Variants in RAD51B observed in about 807,000 individuals in gnomAD.
RAD51B encodes RAD51 paralog B, also known as DNA repair protein RAD51 homolog 2.
In RAD51B, 38 loss-of-function variants were observed where a neutral mutation model predicts 42.2. That is an observed-to-expected ratio of 0.90 (90% confidence interval 0.70 to 1.18). RAD51B has a LOEUF of 1.18. Among genes scored for constraint, RAD51B ranks in the 50% most tolerant of loss-of-function variants. RAD51B has a pLI of 0.00. For missense variants in RAD51B, 373 were observed against 400.7 expected (o/e 0.93, Z 0.59); for synonymous variants, 154 against 145.2 (o/e 1.06, Z -0.43).
chr14:68,151,670 C>T (rs1415098542), intron 7 of RAD51B, among the ~76,000 whole-genome samples: 2 of 151,738 alleles, frequency 1.3e-5, no homozygotes, highest in Non-Finnish European at 2.9e-5. Context: ...CCTTCAAGTT[C>T]TCTAATCATC....
At chr14:68,508,946 C>T (rs571835215) in intron 10 of RAD51B, among the ~76,000 whole-genome samples, 27 of 152,380 alleles carry the variant, frequency 1.8e-4, no homozygotes, top group African/African-American at 5.8e-4. Context: ...ACTTGTGGCT[C>T]TCCATCACTG....
At chr14:68,118,149 C>T (rs780903184) in intron 7 of RAD51B, among the ~76,000 whole-genome samples, 1 of 152,096 alleles carries the variant, frequency 6.6e-6, no homozygotes, top group East Asian at 1.9e-4. Context: ...AAATCTATAT[C>T]AGAAAACAGT....
At chr14:68,449,867 G>A (rs1217007039) in intron 9 of RAD51B, among the ~76,000 whole-genome samples, 1 of 152,002 alleles carries the variant, frequency 6.6e-6, no homozygotes, top group Admixed American at 6.5e-5. Context: ...CTTCCTCCTT[G>A]TGATTAGAAG....
Position 68,298,218 on chromosome 14 carries a change from T to C in RAD51B, c.853+6238T>C, listed in dbSNP as rs2139680801. Among the ~76,000 whole-genome samples, 3 of 152,186 alleles carry C rather than the reference T, an allele frequency of 2.0e-5. No homozygotes were observed. In the South Asian group the frequency reaches 6.2e-4, roughly 32 times the overall value. ...AGGGGAGGCTAGAGTTGAGAGGAGA[T>C]GGGCACAGCCTGCAAATGTCAGAAA... On this transcript the variant is annotated intron_variant, in intron 8 of 10. Coordinates refer to ENST00000471583, the MANE Select transcript of RAD51B (RefSeq NM_133510.4).
intron 4 of RAD51B, among the ~76,000 whole-genome samples, chr14:67,847,579 G>C (rs74892979): frequency 0.035 from 5,318 of 152,012 alleles, 223 homozygotes; most frequent in African/African-American, 0.1. Context: ...TTCTATATTT[G>C]CGTAGTTTTG....
At chr14:68,646,113 C>A (rs572168880) in intron 10 of RAD51B, among the ~76,000 whole-genome samples, 12 of 151,724 alleles carry the variant, frequency 7.9e-5, no homozygotes, top group Non-Finnish European at 1.0e-4. Flanking sequence ...ACGTACTATT[C>A]CCAGGAATGA....
chr14:68,010,953 A>G (rs1320514679), intron 7 of RAD51B, among the ~76,000 whole-genome samples: 2 of 151,940 alleles, frequency 1.3e-5, no homozygotes, highest in Non-Finnish European at 2.9e-5. Context: ...TATTGTACAA[A>G]GGATATAAGT....
chr14:68,038,422 A>G (rs1449370945), intron 7 of RAD51B, among the ~76,000 whole-genome samples: 2 of 151,884 alleles, frequency 1.3e-5, no homozygotes, highest in Non-Finnish European at 2.9e-5. Context: ...TCTTACTCAA[A>G]TGAATATCTG....
chr14:68,656,585 C>T (rs972401607), intron 11 of RAD51B, among the ~76,000 whole-genome samples: 5 of 152,276 alleles, frequency 3.3e-5, no homozygotes, highest in East Asian at 1.9e-4. Flanking sequence ...GGGACTCCCA[C>T]ACAGAGCCCC....
At chr14:68,438,397 C>A (rs1485809579) in intron 9 of RAD51B, among the ~76,000 whole-genome samples, 1 of 152,038 alleles carries the variant, frequency 6.6e-6, no homozygotes, top group African/African-American at 2.4e-5. Flanking sequence ...GTTTTACTCA[C>A]TGAAACAGGC....
intron 7 of RAD51B, among the ~76,000 whole-genome samples, chr14:68,118,735 A>G (rs2077591839): frequency 6.6e-6 from 1 of 151,902 alleles, no homozygotes; most frequent in Admixed American, 6.6e-5. Context: ...CTTCATTATG[A>G]TTTCTCATTT....
At chr14:68,669,627 TACACACACAC>T (rs34821600) in intron 11 of RAD51B, among the ~76,000 whole-genome samples, 20 of 148,022 alleles carry the variant, frequency 1.4e-4, no homozygotes, top group South Asian at 8.6e-4. Flanking sequence ...ACCCGCCACT[TACACACACAC>T]ACACACACAC....
At chr14:68,463,062 A>G (rs2085884887) in intron 9 of RAD51B, among the ~76,000 whole-genome samples, 1 of 152,192 alleles carries the variant, frequency 6.6e-6, no homozygotes, top group South Asian at 2.1e-4. Context: ...ATTGAAGAAG[A>G]TAGAATGATA....
At chr14:67,888,612 T>A (rs922337282) in intron 7 of RAD51B, among the ~76,000 whole-genome samples, 7 of 152,028 alleles carry the variant, frequency 4.6e-5, no homozygotes, top group African/African-American at 1.4e-4. Flanking sequence ...ATATATATAT[T>A]TGAAAGAAAA....
intron 8 of RAD51B, among the ~76,000 whole-genome samples, chr14:68,379,125 C>T (rs886967806): frequency 1.3e-5 from 2 of 152,136 alleles, no homozygotes; most frequent in African/African-American, 4.8e-5. Context: ...TATTGCCAGG[C>T]CTTGCTCAGT....
At chr14:67,954,155 A>G in intron 7 of RAD51B, among the ~76,000 whole-genome samples, 1 of 152,128 alleles carries the variant, frequency 6.6e-6, no homozygotes, top group East Asian at 1.9e-4. Flanking sequence ...AATTAATTCC[A>G]TTGTTCTTTC....
At chr14:68,529,341 C>T (rs749319467) in intron 10 of RAD51B, among the ~76,000 whole-genome samples, 44 of 152,334 alleles carry the variant, frequency 2.9e-4, no homozygotes, top group African/African-American at 7.9e-4. Flanking sequence ...GGACTACAGG[C>T]GCGTGCCACC....
chr14:68,426,226 A>C (rs1594818712), intron 9 of RAD51B, among the ~76,000 whole-genome samples: 3 of 143,668 alleles, frequency 2.1e-5, no homozygotes, highest in Non-Finnish European at 3.0e-5. Context: ...CCACCACCAC[A>C]CCTGGCTAAT....
At chr14:68,604,471 CT>C (rs1242155477) in intron 10 of RAD51B, among the ~76,000 whole-genome samples, 1 of 152,222 alleles carries the variant, frequency 6.6e-6, no homozygotes. Context: ...GCGGGGCTGC[CT>C]TTTGTCCCTG....
Sources: allele counts gnomAD v4.1 joint callset (sites outside exome capture counted in the v4.1 genomes callset), GRCh38; gene constraint gnomAD v4.1.1; transcripts MANE v1.5; gene names NCBI Gene and HGNC (gene_info 2026-07-23, HGNC 2026-07-21).